The following LAMA5 variants were observed in gnomAD, a reference collection of about 807,000 sequenced individuals.
LAMA5 encodes laminin subunit alpha 5.
In LAMA5, 260 loss-of-function variants were observed where a neutral mutation model predicts 433.4. The observed-to-expected ratio is 0.60, with a 90% CI of 0.54 to 0.66. LAMA5 has a LOEUF of 0.66. Among genes scored for constraint, LAMA5 ranks in the 30% least tolerant of loss-of-function variants. The pLI is 0.00. For synonymous variants in LAMA5, 2,620 were observed against 2,226.6 expected, an observed-to-expected ratio of 1.18 and a Z score of -4.97; for missense variants, 5,378 against 5,258.5, an observed-to-expected ratio of 1.02 and a Z score of -0.70.
rs141362211 is a variant in LAMA5, at chr20:62,309,533, G to A, written c.10949-58C>T. On this transcript the variant is annotated intron_variant, in intron 79 of 79. Transcript: ENST00000252999. ...TTGGTGGGCAGCTAGAGACCCACAG[G>A]CCCTTCCCAAACGTCAGTGCCCCAC... is the stretch of plus-strand genomic sequence containing the variant. 1.7e-3 allele frequency: 2,371 copies of A among 1,402,884 alleles called. 40 individuals carry two copies. The African/African-American group carries it at 0.032, about 19-fold the overall frequency. The allele number at this position is 1,402,884 out of a possible 1,614,324, so 86.9% of individuals were successfully genotyped here. A position where few individuals can be genotyped will look rare whatever the true frequency, so the allele number is the denominator to read the frequency against.
intron 2 of LAMA5, among the ~76,000 whole-genome samples, chr20:62,356,726 C>T (rs579148): frequency 0.87 from 132,526 of 152,208 alleles, 59,340 homozygotes; most frequent in Non-Finnish European, 0.98. Flanking sequence ...AGGGGTTGTG[C>T]GGCCCTGGAG....
At chr20:62,350,155 C>A (rs1385915505) in intron 6 of LAMA5, among the ~76,000 whole-genome samples, 2 of 151,916 alleles carry the variant, frequency 1.3e-5, no homozygotes, top group Non-Finnish European at 1.5e-5. Context: ...GTCTTCCCTG[C>A]AGGCCAAGGC....
In LAMA5 at chr20:62,309,153, A is replaced by G. The variant is rs530444395; in HGVS notation, c.*183T>C. The G allele has an allele frequency of 1.1e-3, 755 of 669,590 alleles. 11 individuals carry two copies. The highest frequency in any genetic ancestry group is 2.7e-4 in the Non-Finnish European group (115 of 420,702). 41.5% of individuals were successfully genotyped at this position (669,590 alleles called of 1,614,324 possible). On this transcript the variant is annotated 3_prime_UTR_variant, in exon 80 of 80. Transcript: ENST00000252999. ...ACAATTAAAAATGGGTGGAAGGGCC[A>G]AATATAAAAACATTTTGCAGTATTT...
intron 32 of LAMA5, 80 bp downstream of exon 32, chr20:62,329,697 A>G: frequency 6.5e-7 from 1 of 1,546,702 alleles, no homozygotes; most frequent in Non-Finnish European, 8.8e-7. Context: ...GAAGAGACAG[A>G]CCCAGCCCAA....
Position 62,333,720 on chromosome 20 carries a change from G to A in LAMA5, c.2879-14C>T. 3 of 1,572,008 alleles carry A rather than the reference G, an allele frequency of 1.9e-6. No individual in the cohort carries two copies. The highest frequency in any genetic ancestry group is 2.6e-6 in the Non-Finnish European group (3 of 1,159,544). ...TCTGTGCTGTGCCTGGGCGGGGGCA[G>A]GGGTGAGACTCCTGAGCCCAGCCCT... is the stretch of plus-strand genomic sequence containing the variant. On this transcript the variant is annotated splice_polypyrimidine_tract_variant and intron_variant, in intron 23 of 79. Coordinates refer to ENST00000252999, the MANE Select transcript of LAMA5 (RefSeq NM_005560.6).
At position 62,359,170 on chromosome 20, in the gene LAMA5, A is replaced by AG. The variant is rs1985667509; in HGVS notation, c.450+3229dup. Among the ~76,000 whole-genome samples, 1 of 152,118 alleles carries AG rather than the reference A, an allele frequency of 6.6e-6. No homozygotes were observed. Among genetic ancestry groups the AG allele is most frequent in the African/African-American group, 2.4e-5 (1 of 41,412 alleles). Reference sequence around the variant, plus strand: ...ACAAAGCAGGGGCCTCCCTACCGGAAGGGGGCCCGTGCGTCCTCACTCCTC... The same window carrying AG: ...ACAAAGCAGGGGCCTCCCTACCGGAAGGGGGGCCCGTGCGTCCTCACTCCTC... On this transcript the variant is annotated intron_variant, in intron 2 of 79. Transcript: ENST00000252999. The surrounding 1 kb of genome is among the most constrained non-coding windows in gnomAD (Gnocchi z 4.3).
intron 51 of LAMA5, 132 bp downstream of exon 51, chr20:62,319,552 A>C: frequency 1.5e-6 from 1 of 651,932 alleles, no homozygotes; most frequent in Non-Finnish European, 2.7e-6. Context: ...TGTTCACTCC[A>C]GAGGCGTCGT....
chr20:62,361,165 G>A (rs554789046), intron 2 of LAMA5, among the ~76,000 whole-genome samples: 1 of 152,268 alleles, frequency 6.6e-6, no homozygotes, highest in East Asian at 1.9e-4. Context: ...AGAGAGATGA[G>A]GGACCCCCAG....
chr20:62,317,210 G>C (rs1987036555), intron 55 of LAMA5, 135 bp downstream of exon 55: 1 of 1,197,558 alleles, frequency 8.4e-7, no homozygotes, highest in Non-Finnish European at 1.1e-6. Context: ...GCTTGCCGTG[G>C]AGCTGAGGAA....
intron 17 of LAMA5, 92 bp from the exon 18 acceptor site, chr20:62,336,537 G>T: frequency 8.1e-7 from 1 of 1,240,250 alleles, no homozygotes; most frequent in East Asian, 2.4e-5. Context: ...GGGGTGGTGA[G>T]GGCTGAGGGC....
rs546634099 is a variant in LAMA5 at position 62,309,111 on chromosome 20, T to C, written c.*225A>G. On this transcript the variant is annotated 3_prime_UTR_variant, in exon 80 of 80. Transcript: ENST00000252999. ...ATTTTTAAGGAGGAACCAGTGATGATTGGTGACAAATCTCTCACAATTAAA... is the reference window on the plus strand; with the variant it reads ...ATTTTTAAGGAGGAACCAGTGATGACTGGTGACAAATCTCTCACAATTAAA... The C allele has an allele frequency of 5.0e-6, 3 of 605,596 alleles. No individual in the cohort carries two copies. Among genetic ancestry groups the C allele is most frequent in the South Asian group, 2.3e-5 (1 of 42,818 alleles). 37.5% of individuals were successfully genotyped at this position (605,596 alleles called of 1,614,324 possible). A position where few individuals can be genotyped will look rare whatever the true frequency, so the allele number is the denominator to read the frequency against.
Position 62,353,155 on chromosome 20 carries a change from G to C in LAMA5, c.547C>G (p.Gln183Glu). The C allele has an allele frequency of 6.3e-7, 1 of 1,576,666 alleles. No individual in the cohort carries two copies. The highest frequency in any genetic ancestry group is 2.3e-5 in the East Asian group (1 of 42,874). The change falls in exon 3 of 80, where the codon CAG becomes GAG. Residue 183 changes from glutamine (Q) to glutamate (E), a missense_variant. Gln to Glu is a conservative substitution (Grantham distance 29). Coordinates refer to ENST00000252999, the MANE Select transcript of LAMA5 (RefSeq NM_005560.6). ...ERSMDFGRTYQPWQFFASSKR... is the reference protein window; with the variant it reads ...ERSMDFGRTYEPWQFFASSKR... ...TCACAGGCAAAGAACTGCCAGGGCT[G>C]GTAGGTGCGGCCGAAGTCCATGGAC... is the stretch of plus-strand genomic sequence containing the variant.
In LAMA5 at chr20:62,331,580, C is replaced by T. The variant is rs574881136; in HGVS notation, c.3553-451G>A. On this transcript the variant is annotated intron_variant, in intron 28 of 79. Coordinates refer to ENST00000252999, the MANE Select transcript of LAMA5 (RefSeq NM_005560.6). ...CGAGTGCTGCTTGGTGCCACCAGGC[C>T]GGGCCAGGCCCAGCTCTCCCAGGAC... is the stretch of plus-strand genomic sequence containing the variant. 4.1e-3 allele frequency among the ~76,000 whole-genome samples: 628 copies of T among 152,256 alleles called. 1 individual carries two copies. Among genetic ancestry groups the T allele is most frequent in the Non-Finnish European group, 6.2e-3 (425 of 68,006 alleles).
At position 62,351,858 on chromosome 20, in the gene LAMA5, C is replaced by T. The variant is rs114489352; in HGVS notation, c.858+51G>A. Reference sequence around the variant, plus strand: ...GCCAGGCCTCACTCACCCTGAGTCCCGGGTCCACCCGGCCAGTCCCCCTCC... The same window carrying T: ...GCCAGGCCTCACTCACCCTGAGTCCTGGGTCCACCCGGCCAGTCCCCCTCC... On this transcript the variant is annotated intron_variant, in intron 5 of 79. Transcript: ENST00000252999. 1,570 of 1,575,630 alleles carry T rather than the reference C, an allele frequency of 1.0e-3. 9 individuals carry two copies. The African/African-American group carries it at 0.018, about 18-fold the overall frequency.
chr20:62,362,271 T>G (rs1295291097), intron 2 of LAMA5, 129 bp downstream of exon 2: 3 of 939,442 alleles, frequency 3.2e-6, no homozygotes, highest in Non-Finnish European at 4.3e-6. Flanking sequence ...AAGTCCTTCG[T>G]GTCCAGCCTC....
At chr20:62,311,592 C>G (rs1339580087) in intron 71 of LAMA5, 22 bp downstream of exon 71, 1 of 1,607,876 alleles carries the variant, frequency 6.2e-7, no homozygotes, top group Admixed American at 1.7e-5. Flanking sequence ...GGACCTTGTC[C>G]CCCAGCGCCC....
Position 62,359,530 on chromosome 20 carries a change from G to A in LAMA5, c.450+2870C>T, listed in dbSNP as rs1985723668. On this transcript the variant is annotated intron_variant, in intron 2 of 79. Coordinates refer to ENST00000252999, the MANE Select transcript of LAMA5 (RefSeq NM_005560.6). This position sits in a 1 kb window ranked among gnomAD's most constrained non-coding sequence, Gnocchi z 4.3. ...TGGTTCTCGGAAGAAGGAGCCTGAG[G>A]CCAGTGATGTGGCCGCTCAGTTCCA... 6.6e-6 allele frequency among the ~76,000 whole-genome samples: 1 copy of A among 151,996 alleles called. No homozygotes were observed.
intron 6 of LAMA5, among the ~76,000 whole-genome samples, chr20:62,348,534 G>A (rs1348298271): frequency 6.6e-6 from 1 of 152,136 alleles, no homozygotes; most frequent in Non-Finnish European, 1.5e-5. Context: ...ACGAACCTGG[G>A]AGGTGGAGCT....
rs372144112 is a variant in LAMA5 at position 62,325,506 on chromosome 20, C to T, written c.5339G>A (p.Arg1780His). The T allele has an allele frequency of 7.3e-5, 117 of 1,612,518 alleles. No individual in the cohort carries two copies. Among genetic ancestry groups the T allele is most frequent in the Middle Eastern group, 5.0e-4 (3 of 6,060 alleles). ...RHTETRNTVS[R>H]EELMMVLASL... ...GGCCAGCACCATCATGAGCTCCTCG[C>T]GGGACACAGTGTTGCGCGTCTCCGT... Residue 1780 changes from arginine (R) to histidine (H), a missense_variant, in exon 41 of 80, where the codon CGC (arginine) becomes CAC (histidine). Arg to His is a conservative substitution (Grantham distance 29). Transcript: ENST00000252999.
Sources: gnomAD v4.1 joint callset for allele counts (sites outside exome capture counted in the v4.1 genomes callset) on GRCh38, gnomAD v4.1.1 for gene constraint, Gnocchi (gnomAD v3.1) non-coding constraint, MANE v1.5 for transcripts, NCBI Gene and HGNC (gene_info 2026-07-23, HGNC 2026-07-21) for gene names.